CBLN2: variants seen among roughly 807,000 people sequenced by gnomAD.
CBLN2 encodes the protein cerebellin 2 precursor, also known as cerebellin-2.
Under a neutral mutation model 15.0 loss-of-function variants are expected in CBLN2, and 7 were observed. That is an observed-to-expected ratio of 0.47 (90% CI 0.27 to 0.88). The LOEUF is 0.88. Among genes scored for constraint, CBLN2 ranks in the 40% least tolerant of loss-of-function variants. The pLI is 0.14. For synonymous variants in CBLN2, 149 were observed against 135.2 expected (o/e 1.10, Z -0.71); for missense variants, 242 against 304.5 (o/e 0.79, Z 1.53).
chr18:72,612,931 CT>C (rs1449582808), intron 1 of CBLN2, among the ~76,000 whole-genome samples: 3 of 152,192 alleles, frequency 2.0e-5, no homozygotes, highest in African/African-American at 7.2e-5. Context: ...CAAGATCAAG[CT>C]GTCAGTAGGG....
intron 4 of CBLN2, 38 bp from the exon 5 acceptor site, chr18:72,538,411 C>T: frequency 6.2e-7 from 1 of 1,600,072 alleles, no homozygotes; most frequent in Admixed American, 1.7e-5. Flanking sequence ...GACCATAAAG[C>T]ACCCAACTCC....
chr18:72,539,070 G>A (rs1403548572), intron 3 of CBLN2: 2 of 303,004 alleles, frequency 6.6e-6, no homozygotes, highest in East Asian at 6.1e-5. Flanking sequence ...GGGCAGGGCA[G>A]AGAGAAAGGA....
chr18:72,569,106 C>A (rs959308711), intron 1 of CBLN2, among the ~76,000 whole-genome samples: 1 of 152,072 alleles, frequency 6.6e-6, no homozygotes, highest in East Asian at 1.9e-4. Context: ...CTGATACCAC[C>A]GGAGTCGTTA....
chr18:72,555,714 A>G (rs543155756), intron 1 of CBLN2, among the ~76,000 whole-genome samples: 1 of 152,332 alleles, frequency 6.6e-6, no homozygotes, highest in African/African-American at 2.4e-5. Context: ...GAACTTAAGC[A>G]AAATAATGTG....
intron 1 of CBLN2, among the ~76,000 whole-genome samples, chr18:72,568,166 C>G (rs2069308663): frequency 6.6e-6 from 1 of 152,092 alleles, no homozygotes; most frequent in South Asian, 2.1e-4. Flanking sequence ...CGTTCTAAGC[C>G]ACTGGGACTC....
intron 1 of CBLN2, among the ~76,000 whole-genome samples, chr18:72,587,583 A>G (rs192701504): frequency 2.6e-5 from 4 of 152,322 alleles, no homozygotes; most frequent in African/African-American, 7.2e-5. Flanking sequence ...TTATATTTTG[A>G]AAATCCTACA....
chr18:72,615,425 C>G (rs112203225), intron 1 of CBLN2, among the ~76,000 whole-genome samples: 1 of 150,914 alleles, frequency 6.6e-6, no homozygotes, highest in African/African-American at 2.4e-5. Context: ...TACAGCCATG[C>G]GCCACCATGC....
intron 1 of CBLN2, among the ~76,000 whole-genome samples, chr18:72,580,023 G>A (rs2144917087): frequency 6.6e-6 from 1 of 151,650 alleles, no homozygotes; most frequent in African/African-American, 2.4e-5. Flanking sequence ...TATGAAAACT[G>A]GAGTTTTATT....
At chr18:72,542,911 A>C (rs1405591932) in intron 2 of CBLN2, 2 of 18,814 alleles carry the variant, frequency 1.1e-4, no homozygotes, top group Non-Finnish European at 2.9e-4. Flanking sequence ...AAATGACACC[A>C]CACACACACA....
intron 1 of CBLN2, among the ~76,000 whole-genome samples, chr18:72,615,412 G>T (rs185595986): frequency 0.01 from 1,573 of 151,030 alleles, 33 homozygotes; most frequent in African/African-American, 0.037. Context: ...GAGTAGCTGG[G>T]ATTACAGCCA....
In CBLN2 at chr18:72,619,549, C is replaced by T. The variant is rs528194103; in HGVS notation, c.15+18776G>A. Reference sequence around the variant, plus strand: ...TAATCTGATCACGATGCTGAATAAACGCGTCTTAAAAAAAGAAAAGTTTCT... The same window carrying T: ...TAATCTGATCACGATGCTGAATAAATGCGTCTTAAAAAAAGAAAAGTTTCT... On this transcript the variant is annotated intron_variant, in intron 1 of 2. Coordinates refer to the CBLN2 transcript ENST00000581073. Among the ~76,000 whole-genome samples, 13 of 152,164 alleles carry T rather than the reference C, an allele frequency of 8.5e-5. No homozygotes were observed. In the East Asian group the frequency reaches 1.7e-3, roughly 20 times the overall value.
At chr18:72,613,253 G>A (rs2069634919) in intron 1 of CBLN2, among the ~76,000 whole-genome samples, 1 of 152,066 alleles carries the variant, frequency 6.6e-6, no homozygotes, top group Non-Finnish European at 1.5e-5. Context: ...TGAATTTAAG[G>A]GGGGCAAATA....
chr18:72,577,028 A>G (rs1383879083), intron 1 of CBLN2, among the ~76,000 whole-genome samples: 1 of 147,790 alleles, frequency 6.8e-6, no homozygotes, highest in Non-Finnish European at 1.5e-5. Context: ...TGTGATATAT[A>G]TAATGTATAA....
chr18:72,559,686 C>T (rs186707931), intron 1 of CBLN2, among the ~76,000 whole-genome samples: 78 of 152,268 alleles, frequency 5.1e-4, no homozygotes, highest in Middle Eastern at 6.8e-3. Context: ...ATGAATTCAC[C>T]GCTAACATAT....
At chr18:72,638,259 T>G (rs2069826687) in intron 1 of CBLN2, 1 of 398,530 alleles carries the variant, frequency 2.5e-6, no homozygotes, top group Non-Finnish European at 4.4e-6. Context: ...TCCACAGTCT[T>G]TGGGAGCTGA....
At chr18:72,559,362 C>G (rs2069245909) in intron 1 of CBLN2, among the ~76,000 whole-genome samples, 2 of 152,196 alleles carry the variant, frequency 1.3e-5, no homozygotes, top group Admixed American at 1.3e-4. Flanking sequence ...ATGAATTTGA[C>G]TGAGAAGTAT....
chr18:72,598,341 C>T (rs2069526206), intron 1 of CBLN2, among the ~76,000 whole-genome samples: 1 of 152,198 alleles, frequency 6.6e-6, no homozygotes, highest in Admixed American at 6.5e-5. Context: ...GAAATATCAT[C>T]TGGAAGCTAG....
rs2069641036 is a variant in CBLN2, at chr18:72,614,053, GTTA to G, written c.15+24269_15+24271del. The stretch of plus-strand genomic sequence containing the variant: ...TGTCCTCCAAGATCATGTTTTCTCT[GTTA>G]CATAATTTTTAATAGCCCTTGGTAC... On this transcript the variant is annotated intron_variant, in intron 1 of 2. Coordinates refer to the CBLN2 transcript ENST00000581073. 2.0e-5 allele frequency among the ~76,000 whole-genome samples: 3 copies of G among 152,228 alleles called. No homozygotes were observed. The South Asian group carries it at 6.2e-4, about 32-fold the overall frequency.
intron 1 of CBLN2, among the ~76,000 whole-genome samples, chr18:72,585,245 T>A (rs958455882): frequency 5.3e-5 from 8 of 152,202 alleles, no homozygotes; most frequent in Admixed American, 4.6e-4. Context: ...GAGGTGGACA[T>A]GTTTCAGACC....
Sources: allele counts gnomAD v4.1 joint callset (sites outside exome capture counted in the v4.1 genomes callset), GRCh38; gene constraint gnomAD v4.1.1; transcripts MANE v1.5; gene names NCBI Gene and HGNC (gene_info 2026-07-23, HGNC 2026-07-21).